The following TMEM266 variants were observed in gnomAD, a reference collection of about 807,000 sequenced individuals.
The protein encoded by TMEM266 is transmembrane protein 266.
Under a neutral mutation model 50.5 loss-of-function variants are expected in TMEM266, and 33 were observed. The ratio of observed to expected loss-of-function variants is 0.65; its 90% confidence interval spans 0.50 to 0.87. The LOEUF (loss-of-function observed/expected upper bound fraction) is 0.87. Ranked by LOEUF, TMEM266 falls within the 40% of genes least tolerant of loss-of-function variation. The pLI, the probability that TMEM266 is intolerant of heterozygous loss-of-function variation, is 0.00. For missense variants in TMEM266, 655 were observed against 695.1 expected (o/e 0.94, Z 0.65); for synonymous variants, 310 against 292.3 (o/e 1.06, Z -0.62).
chr15:76,194,331 G>A (rs1007594658), intron 9 of TMEM266, among the ~76,000 whole-genome samples: 1 of 152,120 alleles, frequency 6.6e-6, no homozygotes, highest in Non-Finnish European at 1.5e-5. Context: ...CATCTTCATC[G>A]TTCAGCCTTT....
In TMEM266 at chr15:76,160,695, G is replaced by A. The variant is rs558520823; in HGVS notation, c.456+527G>A. On this transcript the variant is annotated intron_variant, in intron 5 of 10. Transcript: ENST00000388942. The surrounding 1 kb of genome is among the most constrained non-coding windows in gnomAD (Gnocchi z 5.7). ...CAGGGGCCCTGGGTCTGACAGGGCC[G>A]AAAGATGTGCCTCTCAGTGTGAGTG... 5.9e-5 allele frequency among the ~76,000 whole-genome samples: 9 copies of A among 152,330 alleles called. No individual in the cohort carries two copies. The highest frequency in any genetic ancestry group is 1.2e-4 in the African/African-American group (5 of 41,580).
chr15:76,068,151 A>G (rs1191475081), intron 1 of TMEM266, among the ~76,000 whole-genome samples: 2 of 152,230 alleles, frequency 1.3e-5, no homozygotes, highest in African/African-American at 4.8e-5. Context: ...CAGAAATTGC[A>G]TGCCATACCC....
rs570883540 is a variant in TMEM266, at chr15:76,168,563, A to T, written c.457-1253A>T. ...CCGGCATCTTACGAGACCAGCATTT[A>T]GGGGCTTCTTTGGAGAAAGATGTCC... On this transcript the variant is annotated intron_variant, in intron 5 of 10. Transcript: ENST00000388942. The surrounding 1 kb of genome is among the most constrained non-coding windows in gnomAD (Gnocchi z 4.4). 1.3e-5 allele frequency among the ~76,000 whole-genome samples: 2 copies of T among 152,362 alleles called. No homozygotes were observed. The highest frequency in any genetic ancestry group is 3.9e-4 in the East Asian group (2 of 5,186).
intron 7 of TMEM266, among the ~76,000 whole-genome samples, chr15:76,173,017 C>T (rs570123156): frequency 2.0e-5 from 3 of 152,228 alleles, no homozygotes; most frequent in African/African-American, 2.4e-5. Context: ...ACGGAGCTAC[C>T]GGGAGCCTCA....
intron 1 of TMEM266, among the ~76,000 whole-genome samples, chr15:76,129,741 C>T (rs963173035): frequency 3.9e-5 from 6 of 152,068 alleles, no homozygotes; most frequent in African/African-American, 1.4e-4. Flanking sequence ...ACAAATGACT[C>T]AGTTTTTCCA....
chr15:76,194,630 C>CT (rs923629803), intron 9 of TMEM266, among the ~76,000 whole-genome samples: 3 of 152,202 alleles, frequency 2.0e-5, no homozygotes, highest in African/African-American at 7.2e-5. Flanking sequence ...CCTCTGGGGG[C>CT]TGGGAGTGAG....
At position 76,153,872 on chromosome 15, in the gene TMEM266, C is replaced by T. The variant is rs1226081846; in HGVS notation, c.228-2732C>T. Among the ~76,000 whole-genome samples the T allele has an allele frequency of 2.0e-5, 3 of 152,108 alleles. No homozygotes were observed. Among genetic ancestry groups the T allele is most frequent in the East Asian group, 1.9e-4 (1 of 5,182 alleles). ...TCGTTAATGGATGGAAGCGCTGTGC[C>T]GCTGGCACTGCTGCGGGCAGCAGCT... On this transcript the variant is annotated intron_variant, in intron 3 of 10. Coordinates refer to ENST00000388942, the MANE Select transcript of TMEM266 (RefSeq NM_152335.3). This position sits in a 1 kb window ranked among gnomAD's most constrained non-coding sequence, Gnocchi z 4.2.
intron 1 of TMEM266, among the ~76,000 whole-genome samples, chr15:76,097,460 T>C (rs1377924994): frequency 1.3e-5 from 2 of 152,108 alleles, no homozygotes; most frequent in East Asian, 3.8e-4. Flanking sequence ...TTCTGGCTTG[T>C]AGGGTTTCTG....
intron 3 of TMEM266, among the ~76,000 whole-genome samples, chr15:76,149,940 A>G (rs2037812520): frequency 6.6e-6 from 1 of 152,218 alleles, no homozygotes; most frequent in Non-Finnish European, 1.5e-5. Flanking sequence ...GAATAAATAT[A>G]GTAAAGTGGG....
intron 1 of TMEM266, among the ~76,000 whole-genome samples, chr15:76,125,293 C>T (rs1462849294): frequency 4.6e-5 from 7 of 151,710 alleles, no homozygotes; most frequent in Non-Finnish European, 7.4e-5. Context: ...GCAGGAATGA[C>T]GTCAAATAAA....
chr15:76,157,804 T>C (rs1360248779), intron 4 of TMEM266, among the ~76,000 whole-genome samples: 1 of 151,980 alleles, frequency 6.6e-6, no homozygotes, highest in Non-Finnish European at 1.5e-5. Context: ...CTGGGGAACA[T>C]GGCAAGGCCC....
chr15:76,096,661 G>T (rs12916312), intron 1 of TMEM266, among the ~76,000 whole-genome samples: 34,532 of 151,694 alleles, frequency 0.23, 4,515 homozygotes, highest in Non-Finnish European at 0.27. Context: ...CGAATATTCT[G>T]GTTAATTTTC....
chr15:76,203,234 G>T (rs748474033), intron 10 of TMEM266, among the ~76,000 whole-genome samples: 1 of 151,760 alleles, frequency 6.6e-6, no homozygotes, highest in Non-Finnish European at 1.5e-5. Context: ...CAAGTTCCCT[G>T]CCCTGGCACA....
rs55768096 is a variant in TMEM266, at chr15:76,104,205, C to CAA, written c.-96-29951_-96-29950dup. ...CTGGTGAAAGAGTGAGATTCTGTCT[C>CAA]AAAAAAAAAAAAATTATATTTGGGA... is the stretch of plus-strand genomic sequence containing the variant. On this transcript the variant is annotated intron_variant, in intron 1 of 10. Transcript: ENST00000388942. Among the ~76,000 whole-genome samples, 595 of 147,232 alleles carry CAA rather than the reference C, an allele frequency of 4.0e-3. 3 individuals are homozygous for CAA. The highest frequency in any genetic ancestry group is 0.014 in the African/African-American group (549 of 40,214).
At position 76,201,304 on chromosome 15, in the gene TMEM266, C is replaced by T. The variant is rs2016349; in HGVS notation, c.959-898C>T. On this transcript the variant is annotated intron_variant, in intron 9 of 10. Coordinates refer to ENST00000388942, the MANE Select transcript of TMEM266 (RefSeq NM_152335.3). ...GGATGGCTTTTGGGGTCTTCCAGCA[C>T]CTGGCTTTCCTCCCACTCTCAGGCC... 4.5e-3 allele frequency among the ~76,000 whole-genome samples: 684 copies of T among 152,282 alleles called. 5 individuals carry two copies. Among genetic ancestry groups the T allele is most frequent in the African/African-American group, 0.016 (650 of 41,558 alleles).
intron 9 of TMEM266, among the ~76,000 whole-genome samples, chr15:76,194,045 C>T (rs946493360): frequency 2.0e-5 from 3 of 152,150 alleles, no homozygotes; most frequent in South Asian, 4.1e-4. Context: ...GGACCCAGGT[C>T]CCCACGATGC....
chr15:76,115,658 C>T (rs991408944), intron 1 of TMEM266, among the ~76,000 whole-genome samples: 7 of 152,204 alleles, frequency 4.6e-5, no homozygotes, highest in Non-Finnish European at 7.3e-5. Context: ...CCCCTGGCCC[C>T]GGGAGGCCAC....
At position 76,204,147 on chromosome 15, in the gene TMEM266, C is replaced by A. The variant is rs537048242; in HGVS notation, c.1428C>A (p.Pro476=). The change falls in exon 11 of 11, where the codon CCC becomes CCA. Residue 476 remains proline, a synonymous_variant. Coordinates refer to ENST00000388942, the MANE Select transcript of TMEM266 (RefSeq NM_152335.3). ...CAGCGGGCTCGGCCCAAACCAGCCC[C>A]GAGCTGGAACACAGGGTAAGTCTGT... The A allele has an allele frequency of 6.2e-7, 1 of 1,613,602 alleles. No individual in the cohort carries two copies. The highest frequency in any genetic ancestry group is 1.1e-5 in the South Asian group (1 of 91,090).
At chr15:76,072,838 A>G (rs2036556950) in intron 1 of TMEM266, among the ~76,000 whole-genome samples, 1 of 151,844 alleles carries the variant, frequency 6.6e-6, no homozygotes, top group Non-Finnish European at 1.5e-5. Flanking sequence ...GGGTTTCACC[A>G]TGTTGGCCAG....
Sources: gnomAD v4.1 joint callset for allele counts (sites outside exome capture counted in the v4.1 genomes callset) on GRCh38, gnomAD v4.1.1 for gene constraint, Gnocchi (gnomAD v3.1) non-coding constraint, MANE v1.5 for transcripts, NCBI Gene and HGNC (gene_info 2026-07-23, HGNC 2026-07-21) for gene names.